POU6F2: variants seen among roughly 807,000 people sequenced by gnomAD.
POU6F2 encodes the protein POU class 6 homeobox 2, also known as POU domain, class 6, transcription factor 2.
Under a neutral mutation model 71.3 loss-of-function variants are expected in POU6F2, and 31 were observed. That is an observed-to-expected ratio of 0.43 (90% confidence interval 0.33 to 0.59). The LOEUF is 0.59. Ranked by LOEUF, POU6F2 falls within the 20% of genes least tolerant of loss-of-function variation. The probability of loss-of-function intolerance (pLI) is 0.04; values close to 1 mark genes in which losing one functional copy is unlikely to be tolerated. For synonymous variants in POU6F2, 347 were observed against 355.7 expected, an observed-to-expected ratio of 0.98 and a Z score of 0.27; for missense variants, 783 against 856.8, an observed-to-expected ratio of 0.91 and a Z score of 1.07.
intron 1 of POU6F2, among the ~76,000 whole-genome samples, chr7:39,046,719 C>T (rs1296979234): frequency 6.6e-6 from 1 of 151,870 alleles, no homozygotes; most frequent in African/African-American, 2.4e-5. Flanking sequence ...TTGCCTGACC[C>T]CTTCTCACTG....
intron 5 of POU6F2, among the ~76,000 whole-genome samples, chr7:39,372,346 T>C (rs1411170773): frequency 6.6e-5 from 10 of 152,352 alleles, no homozygotes; most frequent in Non-Finnish European, 8.8e-5. Flanking sequence ...ATGAGAAGAA[T>C]GGAATTCTTT....
intron 2 of POU6F2, among the ~76,000 whole-genome samples, chr7:39,150,257 G>GTGTGTGTGTA (rs1380172204): frequency 6.6e-6 from 1 of 151,550 alleles, no homozygotes; most frequent in East Asian, 1.9e-4. Flanking sequence ...GTGTGTGTGT[G>GTGTGTGTGTA]TGTAGCATCT....
chr7:39,440,766 A>G (rs4629765), intron 7 of POU6F2, among the ~76,000 whole-genome samples: 51,141 of 151,820 alleles, frequency 0.34, 9,602 homozygotes, highest in East Asian at 0.58. Flanking sequence ...AGGCACTCTG[A>G]TCTTTTGGGT....
intron 1 of POU6F2, among the ~76,000 whole-genome samples, chr7:39,055,847 A>T (rs904832973): frequency 2.0e-5 from 3 of 151,874 alleles, no homozygotes; most frequent in Non-Finnish European, 1.5e-5. Flanking sequence ...TTCTGTTTCA[A>T]TTTTTTCTGG....
intron 4 of POU6F2, among the ~76,000 whole-genome samples, chr7:39,297,135 G>A (rs1784860689): frequency 1.3e-5 from 2 of 150,174 alleles, no homozygotes; most frequent in East Asian, 2.0e-4. Flanking sequence ...TTTTTAAATT[G>A]TATTCTTTAG....
intron 6 of POU6F2, among the ~76,000 whole-genome samples, chr7:39,413,950 C>A (rs1787613025): frequency 1.3e-5 from 2 of 152,184 alleles, no homozygotes; most frequent in African/African-American, 4.8e-5. Context: ...CTCAAGATGC[C>A]CCACAAACGA....
At chr7:39,157,690 T>C (rs2128735888) in intron 2 of POU6F2, among the ~76,000 whole-genome samples, 1 of 152,366 alleles carries the variant, frequency 6.6e-6, no homozygotes, top group South Asian at 2.1e-4. Context: ...GAAACCCCTT[T>C]GGCTAATGGT....
intron 4 of POU6F2, among the ~76,000 whole-genome samples, chr7:39,303,341 G>A (rs1784988261): frequency 6.6e-6 from 1 of 152,034 alleles, no homozygotes; most frequent in Non-Finnish European, 1.5e-5. Flanking sequence ...TAGAGACGGG[G>A]TTTCACCATG....
intron 1 of POU6F2, among the ~76,000 whole-genome samples, chr7:39,028,001 CT>C (rs1457289875): frequency 6.6e-6 from 1 of 152,130 alleles, no homozygotes; most frequent in East Asian, 1.9e-4. Flanking sequence ...CTTTCCAAGA[CT>C]TGGTATAACC....
intron 7 of POU6F2, among the ~76,000 whole-genome samples, chr7:39,439,248 G>T (rs1788330086): frequency 6.6e-6 from 1 of 151,430 alleles, no homozygotes; most frequent in African/African-American, 2.4e-5. Flanking sequence ...GAGCCTACGT[G>T]TGTCTTTGCA....
chr7:38,987,611 T>C (rs1334780698), intron 1 of POU6F2, among the ~76,000 whole-genome samples: 1 of 152,120 alleles, frequency 6.6e-6, no homozygotes, highest in Non-Finnish European at 1.5e-5. Flanking sequence ...CAGGGCTAAA[T>C]AAAAACATGT....
intron 2 of POU6F2, among the ~76,000 whole-genome samples, chr7:39,182,692 T>C (rs950402415): frequency 1.3e-5 from 2 of 152,172 alleles, no homozygotes; most frequent in African/African-American, 2.4e-5. Context: ...CTGCTGCAAT[T>C]GTAAACCATT....
At chr7:39,100,648 A>G (rs909394669) in intron 2 of POU6F2, among the ~76,000 whole-genome samples, 2 of 152,216 alleles carry the variant, frequency 1.3e-5, no homozygotes, top group Admixed American at 6.5e-5. Context: ...TGTTTGTGTT[A>G]ATGTTAAGTA....
intron 4 of POU6F2, among the ~76,000 whole-genome samples, chr7:39,211,058 G>A (rs1794134212): frequency 1.3e-5 from 2 of 152,114 alleles, no homozygotes; most frequent in South Asian, 4.1e-4. Flanking sequence ...CACCACAGAA[G>A]GTATGAGAGA....
At chr7:39,179,484 C>A (rs1342568161) in intron 2 of POU6F2, among the ~76,000 whole-genome samples, 1 of 152,238 alleles carries the variant, frequency 6.6e-6, no homozygotes, top group Non-Finnish European at 1.5e-5. Context: ...CCAATTGAAT[C>A]TTTGCTATTA....
intron 2 of POU6F2, among the ~76,000 whole-genome samples, chr7:39,129,942 C>T (rs990719217): frequency 6.6e-6 from 1 of 151,744 alleles, no homozygotes; most frequent in African/African-American, 2.4e-5. Flanking sequence ...TGGCAGGTGC[C>T]TGTAGTCCCA....
chr7:39,221,946 A>G lies in POU6F2; in HGVS notation c.598+14326A>G, dbSNP rs1480940365. On this transcript the variant is annotated intron_variant, in intron 4 of 9. Transcript: ENST00000518318. The stretch of plus-strand genomic sequence containing the variant: ...AATGCTCCTTAAGAATTATCCTTCT[A>G]TATCCTTAATAAATTAACAAATAAG... 3.3e-5 allele frequency among the ~76,000 whole-genome samples: 5 copies of G among 152,340 alleles called. No individual in the cohort carries two copies. In the East Asian group the frequency reaches 9.6e-4, roughly 29 times the overall value.
chr7:39,023,367 G>A (rs1207424587), intron 1 of POU6F2, among the ~76,000 whole-genome samples: 1 of 151,826 alleles, frequency 6.6e-6, no homozygotes, highest in Non-Finnish European at 1.5e-5. Flanking sequence ...TTCTTTTGTT[G>A]TTTGTGCTTT....
At position 39,068,462 on chromosome 7, in the gene POU6F2, CAG is replaced by C. The variant is rs537374824; in HGVS notation, c.106-17394_106-17393del. On this transcript the variant is annotated intron_variant, in intron 1 of 9. Coordinates refer to ENST00000518318, the MANE Select transcript of POU6F2 (RefSeq NM_001370959.1). The stretch of plus-strand genomic sequence containing the variant: ...ATTCTAAAAACACCAAGAAAGATAA[CAG>C]AGATTATATATACACCTAGTACATG... 3.1e-3 allele frequency among the ~76,000 whole-genome samples: 460 copies of C among 146,174 alleles called. 4 individuals are homozygous for C. Among genetic ancestry groups the C allele is most frequent in the African/African-American group, 0.012 (443 of 38,186 alleles).
Sources: allele counts gnomAD v4.1 joint callset (sites outside exome capture counted in the v4.1 genomes callset), GRCh38; gene constraint gnomAD v4.1.1; transcripts MANE v1.5; gene names NCBI Gene and HGNC (gene_info 2026-07-23, HGNC 2026-07-21).